The following GUCA1C variants were observed in gnomAD, a reference collection of about 807,000 sequenced individuals.
GUCA1C encodes the protein guanylyl cyclase-activating protein 3.
Under a neutral mutation model 16.2 loss-of-function variants are expected in GUCA1C, and 15 were observed. The observed-to-expected ratio is 0.93, with a 90% CI of 0.62 to 1.43. The LOEUF (loss-of-function observed/expected upper bound fraction) is 1.43, where lower values mean the gene tolerates loss of function less well. GUCA1C is among the 40% of genes most tolerant of loss of function. The pLI is 0.00. For missense variants in GUCA1C, 275 were observed against 244.8 expected (o/e 1.12, Z -0.82); for synonymous variants, 78 against 85.4 (o/e 0.91, Z 0.48).
At chr3:108,932,643 C>T (rs183141467) in intron 1 of GUCA1C, among the ~76,000 whole-genome samples, 15 of 152,258 alleles carry the variant, frequency 9.9e-5, no homozygotes, top group Admixed American at 2.6e-4. Flanking sequence ...TCCAGCAGGC[C>T]GGGCACGGTG....
intron 1 of GUCA1C, among the ~76,000 whole-genome samples, chr3:108,949,627 C>T (rs1040816785): frequency 3.3e-5 from 5 of 152,126 alleles, no homozygotes; most frequent in African/African-American, 1.2e-4. Flanking sequence ...AAGGCCATAG[C>T]CATTCCTATA....
chr3:108,949,880 CT>C lies in GUCA1C; in HGVS notation c.204+3678del, dbSNP rs376255008. ...ATCCATCACCTTATCACATACTTAC[CT>C]TTTTTTGTGGTGAGAACATCCAAGA... On this transcript the variant is annotated intron_variant, in intron 1 of 3. Coordinates refer to ENST00000261047, the MANE Select transcript of GUCA1C (RefSeq NM_005459.4). Among the ~76,000 whole-genome samples, 796 of 152,182 alleles carry C rather than the reference CT, an allele frequency of 5.2e-3. 19 individuals are homozygous for C. The highest frequency in any genetic ancestry group is 0.018 in the African/African-American group (764 of 41,516).
Position 108,913,267 on chromosome 3 carries a change from G to A in GUCA1C, c.442+2860C>T, listed in dbSNP as rs945668972. On this transcript the variant is annotated intron_variant, in intron 3 of 3. Transcript: ENST00000261047. Reference sequence around the variant, plus strand: ...TATATATGTCAGTGTACAGTCAACAGCATTTTGGTATACTTAATTGAGCAT... The same window carrying A: ...TATATATGTCAGTGTACAGTCAACAACATTTTGGTATACTTAATTGAGCAT... 3.3e-5 allele frequency among the ~76,000 whole-genome samples: 5 copies of A among 151,594 alleles called. No homozygotes were observed. The East Asian group carries it at 9.7e-4, about 29-fold the overall frequency.
intron 1 of GUCA1C, among the ~76,000 whole-genome samples, chr3:108,920,861 G>A (rs2593932): frequency 6.6e-6 from 1 of 151,926 alleles, no homozygotes; most frequent in Non-Finnish European, 1.5e-5. Context: ...GAGGTTTCCT[G>A]TATACTCCCC....
chr3:108,939,169 C>T (rs576354451), intron 1 of GUCA1C, among the ~76,000 whole-genome samples: 1 of 152,152 alleles, frequency 6.6e-6, no homozygotes, highest in African/African-American at 2.4e-5. Context: ...CTTATTCAAT[C>T]AGCCTTTCTC....
At chr3:108,935,207 G>A (rs1318450576) in intron 1 of GUCA1C, among the ~76,000 whole-genome samples, 5 of 152,058 alleles carry the variant, frequency 3.3e-5, no homozygotes, top group African/African-American at 7.2e-5. Context: ...GGGAAGGAGA[G>A]GAAGGGAGCA....
rs2593946 is a variant in GUCA1C, at chr3:108,922,160, A to C, written c.205-1575T>G. On this transcript the variant is annotated intron_variant, in intron 1 of 3. Coordinates refer to ENST00000261047, the MANE Select transcript of GUCA1C (RefSeq NM_005459.4). ...TGGTGTATACACACACACATACACAAACACACACACACACACACACACACA... is the reference window on the plus strand; with the variant it reads ...TGGTGTATACACACACACATACACACACACACACACACACACACACACACA... Among the ~76,000 whole-genome samples the C allele has an allele frequency of 1.8e-3, 96 of 52,112 alleles. 1 individual carries two copies. Among genetic ancestry groups the C allele is most frequent in the African/African-American group, 5.8e-3 (81 of 13,926 alleles). The allele number at this position is 52,112 out of a possible 152,430, so 34.2% of individuals were successfully genotyped here.
At position 108,920,515 on chromosome 3, in the gene GUCA1C, T is replaced by A. The variant is rs762539571; in HGVS notation, c.275A>T (p.Lys92Ile). The change falls in exon 2 of 4, where the codon AAA becomes ATA. Residue 92 changes from lysine to isoleucine, a missense_variant. By Grantham distance (102) the Lys-to-Ile change is moderately radical. Coordinates refer to ENST00000261047, the MANE Select transcript of GUCA1C (RefSeq NM_005459.4). The part of the protein sequence containing the change: ...NLIMQEKMEQ[K>I]LKWYFKLYDA... ...ATACAGCTTAAAATACCATTTTAAT[T>A]TTTGCTCCATTTTTTCTTGCATGAT... 1.3e-6 allele frequency: 2 copies of A among 1,591,316 alleles called. No homozygotes were observed. The highest frequency in any genetic ancestry group is 8.6e-7 in the Non-Finnish European group (1 of 1,159,600).
intron 1 of GUCA1C, among the ~76,000 whole-genome samples, chr3:108,930,360 G>C (rs1240075034): frequency 6.6e-6 from 1 of 152,198 alleles, no homozygotes; most frequent in Non-Finnish European, 1.5e-5. Context: ...TCAAGCTTTT[G>C]TGAATAGTTT....
intron 1 of GUCA1C, among the ~76,000 whole-genome samples, chr3:108,927,835 TG>T (rs1164174091): frequency 2.0e-5 from 3 of 152,192 alleles, no homozygotes; most frequent in African/African-American, 7.2e-5. Context: ...CCTTCTCATT[TG>T]GGTAGACTAT....
chr3:108,941,292 G>C (rs1396289090), intron 1 of GUCA1C, among the ~76,000 whole-genome samples: 1 of 152,156 alleles, frequency 6.6e-6, no homozygotes, highest in Non-Finnish European at 1.5e-5. Context: ...GGCTGAAGCT[G>C]CTAACTGAAA....
intron 1 of GUCA1C, among the ~76,000 whole-genome samples, chr3:108,929,170 CT>C (rs2107295525): frequency 6.6e-6 from 1 of 151,742 alleles, no homozygotes; most frequent in Non-Finnish European, 1.5e-5. Flanking sequence ...AGATTTATAC[CT>C]AATAATTTCA....
At chr3:108,912,744 C>T (rs1466637200) in intron 3 of GUCA1C, among the ~76,000 whole-genome samples, 1 of 148,184 alleles carries the variant, frequency 6.7e-6, no homozygotes, top group African/African-American at 2.5e-5. Flanking sequence ...TACCTTTCTT[C>T]CTATAGACAG....
intron 1 of GUCA1C, among the ~76,000 whole-genome samples, chr3:108,922,987 A>C (rs1946583901): frequency 6.6e-6 from 1 of 152,002 alleles, no homozygotes; most frequent in Admixed American, 6.6e-5. Flanking sequence ...ACATGAACTC[A>C]TTCTTTTTTA....
chr3:108,952,435 C>A (rs114735639), intron 1 of GUCA1C, among the ~76,000 whole-genome samples: 271 of 152,234 alleles, frequency 1.8e-3, no homozygotes, highest in African/African-American at 6.3e-3. Flanking sequence ...GTGCTTAACT[C>A]ATATTTGGTA....
intron 1 of GUCA1C, among the ~76,000 whole-genome samples, chr3:108,924,460 T>C (rs1216149455): frequency 1.3e-5 from 2 of 152,200 alleles, no homozygotes; most frequent in Non-Finnish European, 2.9e-5. Flanking sequence ...TTATGTATGT[T>C]AAGCCATCCC....
In GUCA1C at chr3:108,925,569, T is replaced by C. The variant is rs113130503; in HGVS notation, c.205-4984A>G. ...TATGGTCTATCTTGAGAATGTCCCATGTGCTGATGAATAGAATGTATATTC... is the reference window on the plus strand; with the variant it reads ...TATGGTCTATCTTGAGAATGTCCCACGTGCTGATGAATAGAATGTATATTC... On this transcript the variant is annotated intron_variant, in intron 1 of 3. Coordinates refer to ENST00000261047, the MANE Select transcript of GUCA1C (RefSeq NM_005459.4). Among the ~76,000 whole-genome samples, 462 of 152,280 alleles carry C rather than the reference T, an allele frequency of 3.0e-3. 1 individual carries two copies. The highest frequency in any genetic ancestry group is 4.5e-3 in the Non-Finnish European group (308 of 68,016).
intron 1 of GUCA1C, among the ~76,000 whole-genome samples, chr3:108,941,768 G>GTATC (rs1946787615): frequency 6.6e-6 from 1 of 152,210 alleles, no homozygotes; most frequent in Non-Finnish European, 1.5e-5. Context: ...GAAGCTGGAG[G>GTATC]TATCATCAAA....
intron 1 of GUCA1C, among the ~76,000 whole-genome samples, chr3:108,945,980 G>GC (rs1559848623): frequency 6.6e-6 from 1 of 152,140 alleles, no homozygotes; most frequent in African/African-American, 2.4e-5. Context: ...TGGCCACCGC[G>GC]CGAGTATTTA....
Sources: gnomAD v4.1 joint callset for allele counts (sites outside exome capture counted in the v4.1 genomes callset) on GRCh38, gnomAD v4.1.1 for gene constraint, MANE v1.5 for transcripts, NCBI Gene and HGNC (gene_info 2026-07-23, HGNC 2026-07-21) for gene names.